Variants in STK32B observed in about 807,000 individuals in gnomAD.
STK32B encodes the protein serine/threonine kinase 32B, also known as serine/threonine-protein kinase 32B.
A neutral mutation model predicts 52.6 loss-of-function variants in STK32B; 43 were observed. The ratio of observed to expected loss-of-function variants is 0.82; its 90% CI spans 0.64 to 1.05. The LOEUF is 1.05. STK32B is among the 50% of genes least tolerant of loss of function. The pLI, the probability that STK32B is intolerant of heterozygous loss-of-function variation, is 0.00. For missense variants in STK32B, 621 were observed against 534.6 expected (o/e 1.16, Z -1.59); for synonymous variants, 238 against 204.3 (o/e 1.17, Z -1.41).
chr4:5,038,382 G>A, the STK32B span, among the ~76,000 whole-genome samples: 1 of 152,192 alleles, frequency 6.6e-6, no homozygotes, highest in African/African-American at 2.4e-5. Context: ...CTTAATGACG[G>A]GGATACATTC....
chr4:5,387,200 T>C (rs528762662), intron 4 of STK32B, among the ~76,000 whole-genome samples: 103 of 152,328 alleles, frequency 6.8e-4, no homozygotes, highest in African/African-American at 2.3e-3. Context: ...CTGACGCTGA[T>C]TGGCCTTGTA....
intron 1 of STK32B, among the ~76,000 whole-genome samples, chr4:5,125,423 C>T (rs1715304511): frequency 6.6e-6 from 1 of 152,192 alleles, no homozygotes; most frequent in South Asian, 2.1e-4. Context: ...GTCCCTCCAG[C>T]CCCCCTCCCT....
intron 4 of STK32B, among the ~76,000 whole-genome samples, chr4:5,333,743 C>G (rs1429571521): frequency 1.3e-5 from 2 of 152,168 alleles, no homozygotes; most frequent in African/African-American, 4.8e-5. Flanking sequence ...AATCCTTTCC[C>G]CATTGCTTGT....
chr4:5,118,668 C>G (rs950252035), intron 1 of STK32B, among the ~76,000 whole-genome samples: 1 of 152,228 alleles, frequency 6.6e-6, no homozygotes, highest in Non-Finnish European at 1.5e-5. Flanking sequence ...TTGCCACTCA[C>G]AGTTGTCCTA....
At chr4:5,264,133 G>A (rs764346589) in intron 3 of STK32B, among the ~76,000 whole-genome samples, 4 of 152,144 alleles carry the variant, frequency 2.6e-5, no homozygotes, top group Non-Finnish European at 4.4e-5. Flanking sequence ...TCCTGTGTAC[G>A]TGATTTTGTG....
At chr4:5,270,609 A>C (rs1727359640) in intron 3 of STK32B, among the ~76,000 whole-genome samples, 1 of 152,218 alleles carries the variant, frequency 6.6e-6, no homozygotes, top group African/African-American at 2.4e-5. Flanking sequence ...ATGATACTTA[A>C]TGGGGAACAA....
chr4:5,407,841 G>T (rs1737779591), intron 5 of STK32B, among the ~76,000 whole-genome samples: 1 of 152,098 alleles, frequency 6.6e-6, no homozygotes, highest in Admixed American at 6.5e-5. Flanking sequence ...TCAGACATGA[G>T]ATTTGGGTGG....
intron 2 of STK32B, among the ~76,000 whole-genome samples, chr4:5,152,170 G>A (rs1420572038): frequency 6.6e-6 from 1 of 152,222 alleles, no homozygotes; most frequent in Admixed American, 6.5e-5. Flanking sequence ...AGGTTTATCT[G>A]TAGAAGAAAA....
At chr4:5,170,080 C>T (rs1434210998) in intron 3 of STK32B, among the ~76,000 whole-genome samples, 2 of 152,146 alleles carry the variant, frequency 1.3e-5, no homozygotes, top group Admixed American at 6.5e-5. Flanking sequence ...GCACAATAAG[C>T]CATCTAATCG....
chr4:5,062,196 G>C (rs28490349), intron 1 of STK32B, among the ~76,000 whole-genome samples: 1 of 152,064 alleles, frequency 6.6e-6, no homozygotes, highest in Non-Finnish European at 1.5e-5. Context: ...ACAGAGCTTC[G>C]TGAAGAAGCA....
At chr4:5,067,064 A>C (rs907942856) in intron 1 of STK32B, among the ~76,000 whole-genome samples, 1 of 152,220 alleles carries the variant, frequency 6.6e-6, no homozygotes, top group Non-Finnish European at 1.5e-5. Context: ...AAGAAGCTTA[A>C]TGGACTCACA....
At chr4:5,250,623 C>T (rs1044224167) in intron 3 of STK32B, among the ~76,000 whole-genome samples, 12 of 152,102 alleles carry the variant, frequency 7.9e-5, no homozygotes, top group African/African-American at 2.9e-4. Flanking sequence ...GTTTTAAGTT[C>T]TTTAAGAAAT....
chr4:5,365,723 T>C (rs1308079204), intron 4 of STK32B, among the ~76,000 whole-genome samples: 2 of 152,200 alleles, frequency 1.3e-5, no homozygotes, highest in Non-Finnish European at 2.9e-5. Context: ...CCGTGGAGCA[T>C]TGAAAAGTTA....
intron 3 of STK32B, among the ~76,000 whole-genome samples, chr4:5,311,693 C>T: frequency 6.6e-6 from 1 of 151,912 alleles, no homozygotes; most frequent in East Asian, 1.9e-4. Flanking sequence ...AAGAAATGGA[C>T]CAATTCCTCA....
chr4:5,164,943 C>T (rs1388680144), intron 2 of STK32B, among the ~76,000 whole-genome samples: 1 of 152,196 alleles, frequency 6.6e-6, no homozygotes, highest in Non-Finnish European at 1.5e-5. Flanking sequence ...TTGTTACCAA[C>T]CCTTCTTGGT....
intron 3 of STK32B, among the ~76,000 whole-genome samples, chr4:5,235,882 T>C (rs1004059014): frequency 6.6e-6 from 1 of 152,202 alleles, no homozygotes; most frequent in Non-Finnish European, 1.5e-5. Context: ...AGATGGTCTT[T>C]CCAGGGGGAG....
chr4:5,115,509 T>C lies in STK32B; in HGVS notation c.53-24396T>C, dbSNP rs141000878. ...CAAAGGAGAAAAGCAAAGACAGAAG[T>C]GTGTCTGGGGCAAAGCTGGAAATGT... On this transcript the variant is annotated intron_variant, in intron 1 of 11. Coordinates refer to ENST00000282908, the MANE Select transcript of STK32B (RefSeq NM_018401.3). Among the ~76,000 whole-genome samples the C allele has an allele frequency of 6.1e-3, 926 of 152,168 alleles. 14 individuals carry two copies. The highest frequency in any genetic ancestry group is 0.021 in the African/African-American group (875 of 41,500).
intron 3 of STK32B, among the ~76,000 whole-genome samples, chr4:5,267,218 A>G (rs756719932): frequency 7.2e-5 from 11 of 152,192 alleles, no homozygotes; most frequent in Non-Finnish European, 1.6e-4. Flanking sequence ...TGGGTATTCA[A>G]TGCAAAGAAC....
chr4:5,195,099 G>A (rs1053911091), intron 3 of STK32B, among the ~76,000 whole-genome samples: 1 of 152,118 alleles, frequency 6.6e-6, no homozygotes, highest in Non-Finnish European at 1.5e-5. Context: ...AGACAGGGTT[G>A]TCTCATTCTG....
Sources: gnomAD v4.1 joint callset for allele counts (sites outside exome capture counted in the v4.1 genomes callset) on GRCh38, gnomAD v4.1.1 for gene constraint, MANE v1.5 for transcripts, NCBI Gene and HGNC (gene_info 2026-07-23, HGNC 2026-07-21) for gene names.